Variants in RBPJ observed in about 807,000 individuals in gnomAD.
RBPJ encodes the protein recombining binding protein suppressor of hairless.
A neutral mutation model predicts 67.8 loss-of-function variants in RBPJ; 9 were observed. The ratio of observed to expected loss-of-function variants is 0.13; its 90% confidence interval spans 0.08 to 0.23. The LOEUF is 0.23. Among genes scored for constraint, RBPJ ranks in the 10% least tolerant of loss-of-function variants. RBPJ has a pLI of 1.00. For missense variants in RBPJ, 305 were observed against 595.6 expected, an observed-to-expected ratio of 0.51 and a Z score of 5.08; for synonymous variants, 198 against 203.3, an observed-to-expected ratio of 0.97 and a Z score of 0.22.
intron 1 of RBPJ, among the ~76,000 whole-genome samples, chr4:26,194,008 T>G (rs1717664054): frequency 6.6e-6 from 1 of 152,186 alleles, no homozygotes; most frequent in Non-Finnish European, 1.5e-5. Context: ...CCCTCTCTCT[T>G]CCTTCAGGCT....
chr4:26,225,443 C>T (rs907642991), intron 1 of RBPJ, among the ~76,000 whole-genome samples: 40 of 151,980 alleles, frequency 2.6e-4, no homozygotes, highest in Admixed American at 7.9e-4. Flanking sequence ...CAGTGTTTGC[C>T]GGGGAAAGGG....
chr4:26,180,091 G>A (rs192556969), intron 1 of RBPJ, among the ~76,000 whole-genome samples: 20 of 152,204 alleles, frequency 1.3e-4, no homozygotes, highest in African/African-American at 4.1e-4. Flanking sequence ...CAAATACTGC[G>A]TGTTCTGACT....
chr4:26,268,651 T>G (rs1055259819), intron 1 of RBPJ, among the ~76,000 whole-genome samples: 1 of 152,060 alleles, frequency 6.6e-6, no homozygotes, highest in Non-Finnish European at 1.5e-5. Flanking sequence ...GTCAAACAGC[T>G]GGAAGCAAAC....
At chr4:26,209,369 T>A (rs911959095) in intron 1 of RBPJ, among the ~76,000 whole-genome samples, 6 of 152,130 alleles carry the variant, frequency 3.9e-5, no homozygotes, top group African/African-American at 1.4e-4. Flanking sequence ...GATTTTCGGT[T>A]TGTGTTTATG....
chr4:26,320,647 T>C (rs1350491871), upstream of RBPJ: 1 of 1,354,436 alleles, frequency 7.4e-7, no homozygotes, highest in Non-Finnish European at 9.9e-7. Flanking sequence ...CGGCCCCGCC[T>C]CCTGACCCCT....
In RBPJ at chr4:26,246,761, C is replaced by T. The variant is rs564790056; in HGVS notation, c.-167+83147C>T. ...TCTCTCTCTATAGCCTAGTCTAGTG[C>T]CTGCTTTAAGTCTGTTGCCTGACCC... On this transcript the variant is annotated intron_variant, in intron 1 of 4. Transcript: ENST00000512351. Among the ~76,000 whole-genome samples the T allele has an allele frequency of 5.9e-5, 9 of 152,042 alleles. No individual in the cohort carries two copies. The South Asian group carries it at 1.7e-3, about 28-fold the overall frequency.
chr4:26,211,127 C>G (rs1191408990), intron 1 of RBPJ, among the ~76,000 whole-genome samples: 2 of 152,072 alleles, frequency 1.3e-5, no homozygotes, highest in African/African-American at 4.8e-5. Context: ...ATGGAAATAG[C>G]CTTACTCAAG....
intron 1 of RBPJ, among the ~76,000 whole-genome samples, chr4:26,253,460 C>G (rs933227831): frequency 6.7e-6 from 1 of 149,166 alleles, no homozygotes; most frequent in Non-Finnish European, 1.5e-5. Context: ...TACAGGCGCC[C>G]GCCACTACGC....
chr4:26,291,827 C>T (rs1022943685), intron 1 of RBPJ, among the ~76,000 whole-genome samples: 5 of 150,648 alleles, frequency 3.3e-5, no homozygotes, highest in Non-Finnish European at 5.9e-5. Flanking sequence ...CCACCTGCCT[C>T]GGCCTCCCAA....
intron 1 of RBPJ, among the ~76,000 whole-genome samples, chr4:26,215,813 TC>T (rs1420109195): frequency 6.6e-6 from 1 of 151,420 alleles, no homozygotes; most frequent in East Asian, 1.9e-4. Context: ...GCCTCCCGCA[TC>T]CCTCTCACCT....
intron 1 of RBPJ, among the ~76,000 whole-genome samples, chr4:26,214,313 G>A (rs1036374733): frequency 1.5e-5 from 2 of 136,758 alleles, no homozygotes; most frequent in Non-Finnish European, 1.6e-5. Context: ...AGGAGACAGA[G>A]AAGGAGGGAG....
At chr4:26,318,030 C>CT (rs1722714608), upstream of RBPJ, among the ~76,000 whole-genome samples, 1 of 152,158 alleles carries the variant, frequency 6.6e-6, no homozygotes, top group African/African-American at 2.4e-5. Flanking sequence ...CTGAGCTATC[C>CT]TGTTCCAAGC....
chr4:26,431,070 G>GA lies in RBPJ; in HGVS notation c.*69dup, dbSNP rs1252902928. The GA allele has an allele frequency of 2.1e-6, 3 of 1,422,570 alleles. No homozygotes were observed. Among genetic ancestry groups the GA allele is most frequent in the East Asian group, 2.3e-5 (1 of 43,128 alleles). 88.1% of individuals were successfully genotyped at this position (1,422,570 alleles called of 1,614,324 possible). A position where few individuals can be genotyped will look rare whatever the true frequency, so the allele number is the denominator to read the frequency against. The stretch of plus-strand genomic sequence containing the variant: ...GTGGCAAAAAGTTAACAAAAAAGGA[G>GA]AAAAAATGAACAATCGTTTGTGGTT... On this transcript the variant is annotated 3_prime_UTR_variant, in exon 11 of 11. Coordinates refer to ENST00000355476, the MANE Select transcript of RBPJ (RefSeq NM_015874.6).
Position 26,431,761 on chromosome 4 carries a change from A to G in RBPJ, c.*754A>G, listed in dbSNP as rs1439258673. 2.0e-5 allele frequency: 3 copies of G among 152,154 alleles called. No homozygotes were observed. Among genetic ancestry groups the G allele is most frequent in the Admixed American group, 6.5e-5 (1 of 15,272 alleles). 9.4% of individuals were successfully genotyped at this position (152,154 alleles called of 1,614,324 possible). Reference sequence around the variant, plus strand: ...AAAAAAATGCCTCTGCCTTGCCTGCAATACATGCAATGTATGTTAACTTAG... The same window carrying G: ...AAAAAAATGCCTCTGCCTTGCCTGCGATACATGCAATGTATGTTAACTTAG... On this transcript the variant is annotated 3_prime_UTR_variant, in exon 11 of 11. Transcript: ENST00000355476.
chr4:26,263,283 C>T (rs1294773910), intron 1 of RBPJ, among the ~76,000 whole-genome samples: 1 of 152,174 alleles, frequency 6.6e-6, no homozygotes, highest in Non-Finnish European at 1.5e-5. Flanking sequence ...AACCAGGCTC[C>T]TCCCAGTTTA....
the RBPJ span, among the ~76,000 whole-genome samples, chr4:26,115,271 C>G: frequency 3.3e-5 from 5 of 152,326 alleles, no homozygotes; most frequent in South Asian, 1.0e-3. Flanking sequence ...TCGTCATTAC[C>G]GCTGAACTGC....
At chr4:26,166,820 G>A (rs1716324053) in intron 1 of RBPJ, among the ~76,000 whole-genome samples, 1 of 152,060 alleles carries the variant, frequency 6.6e-6, no homozygotes, top group Admixed American at 6.6e-5. Flanking sequence ...GTAATGCCTA[G>A]GTTTTCTTCT....
intron 1 of RBPJ, among the ~76,000 whole-genome samples, chr4:26,381,787 TTTG>T (rs1037418204): frequency 5.9e-5 from 9 of 152,264 alleles, no homozygotes; most frequent in South Asian, 2.1e-4. Context: ...TTGCTTTGTT[TTTG>T]TTGTTGTTGT....
At chr4:26,234,516 A>G (rs1719389645) in intron 1 of RBPJ, among the ~76,000 whole-genome samples, 1 of 152,094 alleles carries the variant, frequency 6.6e-6, no homozygotes, top group African/African-American at 2.4e-5. Context: ...TACCTTGTTC[A>G]AGTCTTTGCT....
Sources: allele counts gnomAD v4.1 joint callset (sites outside exome capture counted in the v4.1 genomes callset), GRCh38; gene constraint gnomAD v4.1.1; transcripts MANE v1.5; gene names NCBI Gene and HGNC (gene_info 2026-07-23, HGNC 2026-07-21).